MEGF10: variants seen among roughly 807,000 people sequenced by gnomAD.
MEGF10 encodes multiple epidermal growth factor-like domains protein 10.
MEGF10 carries 86 observed loss-of-function variants against 147.5 expected under a neutral mutation model. The observed-to-expected ratio is 0.58, with a 90% CI of 0.49 to 0.70. The LOEUF is 0.70. Among genes scored for constraint, MEGF10 ranks in the 30% least tolerant of loss-of-function variants. The pLI, the probability that MEGF10 is intolerant of heterozygous loss-of-function variation, is 0.00. For synonymous variants in MEGF10, 478 were observed against 525.5 expected (o/e 0.91, Z 1.24); for missense variants, 1,329 against 1,487.3 (o/e 0.89, Z 1.75).
the MEGF10 span, among the ~76,000 whole-genome samples, chr5:127,230,914 A>G: frequency 6.6e-6 from 1 of 151,818 alleles, no homozygotes; most frequent in African/African-American, 2.4e-5. Context: ...CTTTATTTCA[A>G]AGTTGAAGAG....
chr5:127,249,478 GAAAC>G, the MEGF10 span, among the ~76,000 whole-genome samples: 1 of 151,666 alleles, frequency 6.6e-6, no homozygotes, highest in Non-Finnish European at 1.5e-5. Context: ...ACAAATAAAA[GAAAC>G]AAACATACAA....
chr5:127,449,060 A>G lies in MEGF10; in HGVS notation c.2857-39A>G, dbSNP rs376195919. ...ATAACGCTGTGCTGTGCCGCATTGT[A>G]TTTTGTTTTTAATCTTTCGTTGTTT... is the stretch of plus-strand genomic sequence containing the variant. On this transcript the variant is annotated intron_variant, in intron 21 of 24. Transcript: ENST00000503335. The G allele has an allele frequency of 5.6e-6, 9 of 1,611,998 alleles. No homozygotes were observed. In the African/African-American group the frequency reaches 1.2e-4, roughly 22 times the overall value.
At chr5:127,278,255 T>TA in the MEGF10 span, among the ~76,000 whole-genome samples, 28 of 151,750 alleles carry the variant, frequency 1.8e-4, no homozygotes, top group Admixed American at 9.8e-4. Context: ...TCAAGGAAGA[T>TA]ATTCAATGAA....
intron 2 of MEGF10, among the ~76,000 whole-genome samples, chr5:127,333,863 C>A (rs1004055704): frequency 6.6e-6 from 1 of 152,124 alleles, no homozygotes; most frequent in Non-Finnish European, 1.5e-5. Context: ...AACCCAACAA[C>A]TGTGCAAGTG....
Position 127,447,431 on chromosome 5 carries a change from C to A in MEGF10, c.2729-126C>A, listed in dbSNP as rs770180298. 3.2e-6 allele frequency: 4 copies of A among 1,255,812 alleles called. No individual in the cohort carries two copies. In the African/African-American group the frequency reaches 4.4e-5, roughly 14 times the overall value. 77.8% of individuals were successfully genotyped at this position (1,255,812 alleles called of 1,614,324 possible). On this transcript the variant is annotated intron_variant, in intron 20 of 24. Coordinates refer to ENST00000503335, the MANE Select transcript of MEGF10 (RefSeq NM_001256545.2). ...TGACCTCGTCATCTGCCCGCCTTGGCCTCCCAAAGTGCTGGGATTACAGGC... is the reference window on the plus strand; with the variant it reads ...TGACCTCGTCATCTGCCCGCCTTGGACTCCCAAAGTGCTGGGATTACAGGC...
Position 127,417,881 on chromosome 5 carries a change from A to G in MEGF10, c.1305+69A>G, listed in dbSNP as rs182074924. ...GTGAAGCATCTCAATACCATGATTT[A>G]TATGACCTCCAGTGAAATACAGTGA... On this transcript the variant is annotated intron_variant, in intron 10 of 24. Transcript: ENST00000503335. The G allele has an allele frequency of 1.5e-3, 2,272 of 1,487,288 alleles. 1 individual carries two copies. The highest frequency in any genetic ancestry group is 1.9e-3 in the Non-Finnish European group (2,066 of 1,098,620). The allele number at this position is 1,487,288 out of a possible 1,614,324, so 92.1% of individuals were successfully genotyped here.
chr5:127,236,375 G>A, the MEGF10 span, among the ~76,000 whole-genome samples: 7 of 152,218 alleles, frequency 4.6e-5, no homozygotes, highest in Non-Finnish European at 8.8e-5. Flanking sequence ...CATGAAGGCA[G>A]CTGAAGACAG....
intron 1 of MEGF10, among the ~76,000 whole-genome samples, chr5:127,293,194 C>A (rs1759339104): frequency 6.6e-6 from 1 of 152,194 alleles, no homozygotes; most frequent in South Asian, 2.1e-4. Context: ...TCATTGGTGG[C>A]TGTTTTTGAA....
At position 127,369,954 on chromosome 5, in the gene MEGF10, A is replaced by G; in HGVS notation, c.364A>G (p.Asn122Asp). 1 of 1,612,930 alleles carries G rather than the reference A, an allele frequency of 6.2e-7. No homozygotes were observed. The highest frequency in any genetic ancestry group is 8.5e-7 in the Non-Finnish European group (1 of 1,179,352). ...TGTCCATGGTCGCTGTATTGCTCCAAACACCTGTCAGTGTGAGCCTGGCTG... is the reference window on the plus strand; with the variant it reads ...TGTCCATGGTCGCTGTATTGCTCCAGACACCTGTCAGTGTGAGCCTGGCTG... ...KCVHGRCIAP[N>D]TCQCEPGWGG... Residue 122 changes from asparagine (N) to aspartate (D), a missense_variant, in exon 5 of 25, where the codon AAC (asparagine) becomes GAC (aspartate). Transcript: ENST00000503335.
At chr5:127,395,449 AT>A (rs1057236987) in intron 5 of MEGF10, among the ~76,000 whole-genome samples, 2 of 148,120 alleles carry the variant, frequency 1.4e-5, no homozygotes, top group Non-Finnish European at 3.0e-5. Context: ...ATGTCAATAT[AT>A]TTAAGCATAT....
chr5:127,362,653 C>G (rs35526), intron 4 of MEGF10, among the ~76,000 whole-genome samples: 59,089 of 151,998 alleles, frequency 0.39, 12,733 homozygotes, highest in Non-Finnish European at 0.49. Context: ...CGTGACCCAC[C>G]GCACCCGGCC....
Position 127,454,624 on chromosome 5 carries a change from T to G in MEGF10, c.3025+14T>G. The G allele has an allele frequency of 1.9e-6, 3 of 1,601,590 alleles. No homozygotes were observed. Among genetic ancestry groups the G allele is most frequent in the Non-Finnish European group, 2.6e-6 (3 of 1,175,384 alleles). ...AATCCTTAAAAGGTATCATGTAAAT[T>G]TGAAGAAGAAATCAGAAGCACAATT... On this transcript the variant is annotated intron_variant, in intron 23 of 24. Transcript: ENST00000503335.
chr5:127,435,641 C>CTT, intron 16 of MEGF10, 152 bp downstream of exon 16: 44 of 681,392 alleles, frequency 6.5e-5, no homozygotes, highest in South Asian at 1.3e-4. Context: ...TTTTAAAATT[C>CTT]TTTTTTTTTT....
chr5:127,394,216 A>C (rs1400336660), intron 5 of MEGF10, among the ~76,000 whole-genome samples: 1 of 152,208 alleles, frequency 6.6e-6, no homozygotes, highest in African/African-American at 2.4e-5. Context: ...AGGTTCCTAG[A>C]AGTTAAGAGG....
chr5:127,420,207 G>C lies in MEGF10; in HGVS notation c.1590G>C (p.Gln530His). Residue 530 changes from glutamine to histidine, a missense_variant and splice_region_variant, in exon 12 of 25, where the codon CAG (glutamine) becomes CAC (histidine). Gln to His is a conservative substitution (Grantham distance 24). Transcript: ENST00000503335. ...WRGEKCELPC[Q>H]DGTYGLNCAE... ...GGGAGAAATGCGAACTTCCCTGCCAGGTATGCACAAATCAGCGCCCTGACG... is the reference window on the plus strand; with the variant it reads ...GGGAGAAATGCGAACTTCCCTGCCACGTATGCACAAATCAGCGCCCTGACG... The C allele has an allele frequency of 6.2e-7, 1 of 1,613,828 alleles. No homozygotes were observed. The highest frequency in any genetic ancestry group is 8.5e-7 in the Non-Finnish European group (1 of 1,179,858).
intron 13 of MEGF10, chr5:127,424,375 G>A (rs755474759): frequency 5.3e-6 from 4 of 752,700 alleles, no homozygotes; most frequent in South Asian, 4.4e-5. Flanking sequence ...GAATTTCCAT[G>A]TGAATGGTAA....
intron 4 of MEGF10, among the ~76,000 whole-genome samples, chr5:127,364,366 A>C (rs987891850): frequency 6.6e-6 from 1 of 152,198 alleles, no homozygotes; most frequent in African/African-American, 2.4e-5. Flanking sequence ...TGAGTCATTC[A>C]ATATGCTCTC....
the MEGF10 span, among the ~76,000 whole-genome samples, chr5:127,230,110 T>C: frequency 6.6e-6 from 1 of 152,128 alleles, no homozygotes; most frequent in Admixed American, 6.5e-5. Flanking sequence ...AGTTTGTCCA[T>C]GTCGTTCCCC....
chr5:127,328,989 CTTAG>C (rs1179738160), intron 1 of MEGF10, among the ~76,000 whole-genome samples: 1 of 152,132 alleles, frequency 6.6e-6, no homozygotes, highest in Admixed American at 6.5e-5. Context: ...ACTACTACTT[CTTAG>C]TTAAGTTGCT....
Sources: gnomAD v4.1 joint callset for allele counts (sites outside exome capture counted in the v4.1 genomes callset) on GRCh38, gnomAD v4.1.1 for gene constraint, MANE v1.5 for transcripts, NCBI Gene and HGNC (gene_info 2026-07-23, HGNC 2026-07-21) for gene names.